The following TMTC2 variants were observed in gnomAD, a reference collection of about 807,000 sequenced individuals.
The protein encoded by TMTC2 is protein O-mannosyl-transferase TMTC2.
In TMTC2, 43 loss-of-function variants were observed where a neutral mutation model predicts 82.4. That is an observed-to-expected ratio of 0.52 (90% CI 0.41 to 0.67). The LOEUF is 0.67. TMTC2 is among the 30% of genes least tolerant of loss of function. The pLI, the probability that TMTC2 is intolerant of heterozygous loss-of-function variation, is 0.00. For synonymous variants in TMTC2, 408 were observed against 381.9 expected (o/e 1.07, Z -0.80); for missense variants, 919 against 1,012.4 (o/e 0.91, Z 1.25).
At chr12:82,945,911 A>G (rs1161146917) in intron 4 of TMTC2, among the ~76,000 whole-genome samples, 1 of 152,200 alleles carries the variant, frequency 6.6e-6, no homozygotes, top group East Asian at 1.9e-4. Context: ...TATTTAGATG[A>G]TAGTGAATTT....
At position 82,895,839 on chromosome 12, in the gene TMTC2, C is replaced by A. The variant is rs757561110; in HGVS notation, c.676C>A (p.Leu226Ile). ...TCAGAGGAAGAACTTGTCGCTTTTC[C>A]TAAGCATTAGTTTGTTAATTTTCTG... ...IYKRKNLSLFLSISLLIFWGS... is the reference protein window; with the variant it reads ...IYKRKNLSLFISISLLIFWGS... The change falls in exon 3 of 12, where the codon CTA becomes ATA. Residue 226 changes from leucine (L) to isoleucine (I), a missense_variant. Leu to Ile is a conservative substitution (Grantham distance 5). Coordinates refer to ENST00000321196, the MANE Select transcript of TMTC2 (RefSeq NM_152588.3). 3.1e-6 allele frequency: 5 copies of A among 1,606,732 alleles called. No homozygotes were observed. In the African/African-American group the frequency reaches 6.7e-5, roughly 22 times the overall value.
At chr12:82,987,353 G>A (rs1435061305) in intron 8 of TMTC2, among the ~76,000 whole-genome samples, 1 of 131,634 alleles carries the variant, frequency 7.6e-6, no homozygotes, top group East Asian at 2.3e-4. Flanking sequence ...GAACCCAGAA[G>A]GCCAAGGTTG....
In TMTC2 at chr12:82,896,055, G is replaced by A; in HGVS notation, c.892G>A (p.Ala298Thr). ...CCTCAGTTTTGATTGGTCAATGGAT[G>A]CTGTGCCTCTGCTCAAAACAGTTTG... ...DTLSFDWSMD[A>T]VPLLKTVCDW... The change falls in exon 3 of 12, where the codon GCT becomes ACT. Residue 298 changes from alanine (A) to threonine (T), a missense_variant. Transcript: ENST00000321196. 1.2e-6 allele frequency: 2 copies of A among 1,613,950 alleles called. No homozygotes were observed. The highest frequency in any genetic ancestry group is 8.5e-7 in the Non-Finnish European group (1 of 1,179,994).
At position 82,896,318 on chromosome 12, in the gene TMTC2, C is replaced by A. The variant is rs924190602; in HGVS notation, c.1155C>A (p.Thr385=). 6 of 1,614,000 alleles carry A rather than the reference C, an allele frequency of 3.7e-6. No homozygotes were observed. In the African/African-American group the frequency reaches 6.7e-5, roughly 18 times the overall value. ...TTAAAAACGATGTATCACAGAGAAC[C>A]CAGCTTCCTTCTACGGAGAACATTG... ...NGIKNDVSQR[T]QLPSTENIVV... The change falls in exon 3 of 12, where the codon ACC becomes ACA. Residue 385 remains threonine, a synonymous_variant. Coordinates refer to ENST00000321196, the MANE Select transcript of TMTC2 (RefSeq NM_152588.3).
At position 83,132,577 on chromosome 12, in the gene TMTC2, GA is replaced by G; in HGVS notation, c.*191del. The G allele has an allele frequency of 3.3e-6, 2 of 604,510 alleles. No individual in the cohort carries two copies. Among genetic ancestry groups the G allele is most frequent in the Non-Finnish European group, 5.5e-6 (2 of 366,242 alleles). The allele number at this position is 604,510 out of a possible 1,614,324, so 37.4% of individuals were successfully genotyped here. ...GCACAGCTGTTAACACCAAAAAGGGGAAAGCCGGAAACCTCCTGGAGGATGT... is the reference window on the plus strand; with the variant it reads ...GCACAGCTGTTAACACCAAAAAGGGGAAGCCGGAAACCTCCTGGAGGATGT... On this transcript the variant is annotated 3_prime_UTR_variant, in exon 12 of 12. Coordinates refer to ENST00000321196, the MANE Select transcript of TMTC2 (RefSeq NM_152588.3).
intron 1 of TMTC2, among the ~76,000 whole-genome samples, chr12:82,792,676 A>T (rs929623940): frequency 1.3e-5 from 2 of 151,772 alleles, no homozygotes; most frequent in South Asian, 4.2e-4. Flanking sequence ...GGGTCTTGCT[A>T]TGTTGCCTCT....
intron 1 of TMTC2, among the ~76,000 whole-genome samples, chr12:82,847,036 A>G (rs531286941): frequency 1.3e-5 from 2 of 152,122 alleles, no homozygotes; most frequent in Non-Finnish European, 2.9e-5. Context: ...CCTTAATTTC[A>G]TACAGGAATC....
intron 11 of TMTC2, among the ~76,000 whole-genome samples, chr12:83,087,250 A>T (rs528276166): frequency 6.6e-6 from 1 of 152,124 alleles, no homozygotes; most frequent in Non-Finnish European, 1.5e-5. Flanking sequence ...TAATAATTCA[A>T]TTACATCTTC....
intron 1 of TMTC2, among the ~76,000 whole-genome samples, chr12:82,827,633 A>G (rs963085509): frequency 3.9e-5 from 6 of 152,006 alleles, no homozygotes; most frequent in Non-Finnish European, 8.8e-5. Context: ...GCTCAGTATA[A>G]GGATGAACAT....
chr12:83,079,042 T>C (rs1217079157), intron 11 of TMTC2, among the ~76,000 whole-genome samples: 2 of 152,166 alleles, frequency 1.3e-5, no homozygotes, highest in African/African-American at 2.4e-5. Flanking sequence ...ATGTATAAGC[T>C]ACTAATACAA....
At chr12:82,946,118 A>G (rs1377613273) in intron 4 of TMTC2, among the ~76,000 whole-genome samples, 1 of 152,164 alleles carries the variant, frequency 6.6e-6, no homozygotes, top group Non-Finnish European at 1.5e-5. Context: ...CTGTTCCCCT[A>G]TACTTTATTC....
intron 11 of TMTC2, among the ~76,000 whole-genome samples, chr12:83,109,228 A>G (rs757249237): frequency 4.6e-5 from 7 of 152,206 alleles, no homozygotes; most frequent in Non-Finnish European, 1.0e-4. Context: ...GGGGGGCCTC[A>G]GGAAACCTTC....
chr12:82,882,040 C>T (rs1376386200), intron 2 of TMTC2, among the ~76,000 whole-genome samples: 1 of 138,112 alleles, frequency 7.2e-6, no homozygotes, highest in Non-Finnish European at 1.5e-5. Flanking sequence ...CTCTCTGTCG[C>T]CCAGGCTGGA....
At chr12:82,892,577 ACTT>A (rs1873449980) in intron 2 of TMTC2, among the ~76,000 whole-genome samples, 1 of 152,324 alleles carries the variant, frequency 6.6e-6, no homozygotes, top group East Asian at 1.9e-4. Context: ...AAGGCTAACT[ACTT>A]CTGGAGTTTA....
chr12:82,891,752 C>G (rs566726590), intron 2 of TMTC2, among the ~76,000 whole-genome samples: 1 of 152,136 alleles, frequency 6.6e-6, no homozygotes, highest in East Asian at 1.9e-4. Flanking sequence ...AGGTTTGTTA[C>G]ATAGGTGAAC....
At chr12:82,776,615 G>GAAA (rs750550745) in intron 1 of TMTC2, among the ~76,000 whole-genome samples, 2 of 87,352 alleles carry the variant, frequency 2.3e-5, no homozygotes, top group African/African-American at 3.8e-5. Context: ...TGTCTCTAAT[G>GAAA]AAAAAAAAAA....
At chr12:82,941,578 C>T (rs1565820229) in intron 4 of TMTC2, among the ~76,000 whole-genome samples, 1 of 152,152 alleles carries the variant, frequency 6.6e-6, no homozygotes, top group Non-Finnish European at 1.5e-5. Flanking sequence ...TTCTAGCTTG[C>T]ATTACTGGCC....
chr12:82,824,085 G>A (rs573345565), intron 1 of TMTC2, among the ~76,000 whole-genome samples: 5 of 152,098 alleles, frequency 3.3e-5, no homozygotes, highest in African/African-American at 9.6e-5. Context: ...ATAGAGACGG[G>A]GTTTCACCAT....
Position 82,690,534 on chromosome 12 carries a change from C to T in TMTC2, c.83+2865C>T, listed in dbSNP as rs1565709602. The T allele has an allele frequency of 7.4e-6, 3 of 408,084 alleles. No homozygotes were observed. The East Asian group carries it at 4.9e-4, about 66-fold the overall frequency. 25.3% of individuals were successfully genotyped at this position (408,084 alleles called of 1,614,324 possible). A position where few individuals can be genotyped will look rare whatever the true frequency, so the allele number is the denominator to read the frequency against. ...TAGCTTGGTTGAAATTAAATGGTAA[C>T]ATGAAACTTTCTTATAGCACAATCA... On this transcript the variant is annotated intron_variant, in intron 1 of 11. Coordinates refer to ENST00000321196, the MANE Select transcript of TMTC2 (RefSeq NM_152588.3).
Sources: allele counts gnomAD v4.1 joint callset (sites outside exome capture counted in the v4.1 genomes callset), GRCh38; gene constraint gnomAD v4.1.1; transcripts MANE v1.5; gene names NCBI Gene and HGNC (gene_info 2026-07-23, HGNC 2026-07-21).